USP46: variants seen among roughly 807,000 people sequenced by gnomAD.
The protein encoded by USP46 is ubiquitin specific peptidase 46, also known as ubiquitin carboxyl-terminal hydrolase 46.
USP46 carries 12 observed loss-of-function variants against 44.4 expected under a neutral mutation model. That is an observed-to-expected ratio of 0.27 (90% CI 0.17 to 0.44). USP46 has a LOEUF of 0.44. Among genes scored for constraint, USP46 ranks in the 20% least tolerant of loss-of-function variants. The pLI is 1.00. For synonymous variants in USP46, 155 were observed against 161.5 expected, an observed-to-expected ratio of 0.96 and a Z score of 0.31; for missense variants, 248 against 444.8, an observed-to-expected ratio of 0.56 and a Z score of 3.98.
chr4:52,602,285 A>C (rs1716505071), intron 6 of USP46, among the ~76,000 whole-genome samples: 1 of 152,214 alleles, frequency 6.6e-6, no homozygotes, highest in African/African-American at 2.4e-5. Context: ...GTTTGTTGGA[A>C]GGAGACGTTC....
intron 1 of USP46, among the ~76,000 whole-genome samples, chr4:52,647,839 G>A (rs1167741821): frequency 6.6e-6 from 1 of 152,164 alleles, no homozygotes; most frequent in Non-Finnish European, 1.5e-5. Flanking sequence ...AGGCCTCAGT[G>A]ACCTGCCCAA....
intron 5 of USP46, among the ~76,000 whole-genome samples, chr4:52,609,074 T>C (rs1716813528): frequency 6.6e-6 from 1 of 152,214 alleles, no homozygotes; most frequent in African/African-American, 2.4e-5. Flanking sequence ...TATTCTCCTA[T>C]GACACAAATG....
At chr4:52,628,752 T>C (rs1403137728) in intron 2 of USP46, among the ~76,000 whole-genome samples, 1 of 152,190 alleles carries the variant, frequency 6.6e-6, no homozygotes, top group Non-Finnish European at 1.5e-5. Context: ...GGCAAAAATA[T>C]GCTGCCTCAT....
At chr4:52,652,349 G>A (rs527476385) in intron 1 of USP46, among the ~76,000 whole-genome samples, 2 of 152,192 alleles carry the variant, frequency 1.3e-5, no homozygotes, top group South Asian at 2.1e-4. Flanking sequence ...TAAAGAAGAC[G>A]ATCAAATTCC....
intron 6 of USP46, among the ~76,000 whole-genome samples, chr4:52,602,828 C>T (rs1473964044): frequency 1.3e-5 from 2 of 151,746 alleles, no homozygotes; most frequent in African/African-American, 2.4e-5. Flanking sequence ...TTTGATGTTG[C>T]ACTTCCCAAA....
At chr4:52,618,941 C>A (rs928004504) in intron 4 of USP46, among the ~76,000 whole-genome samples, 1 of 152,090 alleles carries the variant, frequency 6.6e-6, no homozygotes. Flanking sequence ...GTAACAGATA[C>A]AAACATGTTA....
chr4:52,626,109 G>A lies in USP46; in HGVS notation c.470C>T (p.Pro157Leu). The part of the protein sequence containing the change: ...GKLKNGNMNE[P>L]AENNKPELTW... ...GAGTTCTGGTTTATTATTTTCCGCAGGTTCGTTCATGTTGCCATTTTTTAA... is the reference window on the plus strand; with the variant it reads ...GAGTTCTGGTTTATTATTTTCCGCAAGTTCGTTCATGTTGCCATTTTTTAA... The change falls in exon 4 of 9, where the codon CCT (proline) becomes CTT (leucine). Residue 157 changes from proline (P) to leucine (L), a missense_variant. Transcript: ENST00000441222. 1 of 1,613,796 alleles carries A rather than the reference G, an allele frequency of 6.2e-7. No homozygotes were observed. The highest frequency in any genetic ancestry group is 8.5e-7 in the Non-Finnish European group (1 of 1,179,844).
chr4:52,633,060 A>G (rs1403338745), intron 1 of USP46, among the ~76,000 whole-genome samples: 1 of 152,124 alleles, frequency 6.6e-6, no homozygotes, highest in African/African-American at 2.4e-5. Context: ...TTAAAAATTG[A>G]TCTGCTGCTA....
At chr4:52,609,511 T>C (rs1451977216) in intron 5 of USP46, among the ~76,000 whole-genome samples, 1 of 152,190 alleles carries the variant, frequency 6.6e-6, no homozygotes, top group Non-Finnish European at 1.5e-5. Context: ...TGGCATTATT[T>C]GCTCCCTGCA....
At position 52,659,197 on chromosome 4, in the gene USP46, A is replaced by G; in HGVS notation, c.-47T>C. ...CCCTCACCGCCATCTTTACAAGGGG[A>G]AACCGGGACTGCCCATGGTGGCGCG... is the stretch of plus-strand genomic sequence containing the variant. On this transcript the variant is annotated 5_prime_UTR_variant, in exon 1 of 9. Coordinates refer to ENST00000441222, the MANE Select transcript of USP46 (RefSeq NM_022832.4). This position sits in a 1 kb window ranked among gnomAD's most constrained non-coding sequence, Gnocchi z 4.2. The G allele has an allele frequency of 6.6e-7, 1 of 1,508,574 alleles. No homozygotes were observed. Among genetic ancestry groups the G allele is most frequent in the Non-Finnish European group, 8.9e-7 (1 of 1,126,230 alleles). The allele number at this position is 1,508,574 out of a possible 1,614,324, so 93.4% of individuals were successfully genotyped here. A position where few individuals can be genotyped will look rare whatever the true frequency, so the allele number is the denominator to read the frequency against.
intron 6 of USP46, 146 bp from the exon 7 acceptor site, chr4:52,602,200 A>C (rs1716497889): frequency 1.2e-6 from 1 of 867,576 alleles, no homozygotes; most frequent in Non-Finnish European, 1.7e-6. Flanking sequence ...GGATAAAAGT[A>C]TGCTGGCATA....
chr4:52,656,226 G>A (rs1718941058), intron 1 of USP46: 2 of 1,489,170 alleles, frequency 1.3e-6, no homozygotes, highest in Admixed American at 4.0e-5. Flanking sequence ...ACCAAAGTTA[G>A]GAGCGGGAAG....
intron 4 of USP46, among the ~76,000 whole-genome samples, chr4:52,615,026 T>C (rs1196425374): frequency 2.0e-5 from 3 of 151,976 alleles, no homozygotes; most frequent in African/African-American, 7.2e-5. Flanking sequence ...TGCGAAAATG[T>C]ACTCAGAAAA....
chr4:52,629,730 G>A (rs1226421104), intron 2 of USP46: 1 of 456,218 alleles, frequency 2.2e-6, no homozygotes, highest in East Asian at 7.0e-5. Flanking sequence ...TCCACAGTAT[G>A]TCTCAGCTTC....
At chr4:52,621,610 CGT>C (rs1717378570) in intron 4 of USP46, among the ~76,000 whole-genome samples, 1 of 151,890 alleles carries the variant, frequency 6.6e-6, no homozygotes, top group Non-Finnish European at 1.5e-5. Flanking sequence ...GAGCCAAGAT[CGT>C]GTTACTACAC....
At chr4:52,654,975 C>T (rs1333798786) in intron 1 of USP46, among the ~76,000 whole-genome samples, 1 of 152,114 alleles carries the variant, frequency 6.6e-6, no homozygotes, top group Non-Finnish European at 1.5e-5. Context: ...CAACAGTTTG[C>T]CCAAAAGCAC....
intron 1 of USP46, chr4:52,658,375 G>A: frequency 2.3e-6 from 1 of 425,750 alleles, no homozygotes; most frequent in Non-Finnish European, 4.8e-6. Context: ...GATGTCCCTG[G>A]CTGTATCCAT....
chr4:52,645,413 A>G (rs563762036), intron 1 of USP46, among the ~76,000 whole-genome samples: 4 of 152,304 alleles, frequency 2.6e-5, no homozygotes, highest in African/African-American at 9.6e-5. Context: ...AATTCTCCAT[A>G]TATTTAGAGA....
chr4:52,604,527 G>C lies in USP46; in HGVS notation c.696C>G (p.Cys232Trp). The C allele has an allele frequency of 6.2e-7, 1 of 1,611,734 alleles. No individual in the cohort carries two copies. ...CSEQKYYCETCCSKQEAQKRM... is the reference protein window; with the variant it reads ...CSEQKYYCETWCSKQEAQKRM... The stretch of plus-strand genomic sequence containing the variant: ...TTTTCTGGGCTTCTTGTTTGCTGCA[G>C]CATGTTTCACAATAATATTTTTGTT... The change falls in exon 6 of 9, where the codon TGC becomes TGG. Residue 232 changes from cysteine (C) to tryptophan (W), a missense_variant. Physicochemically the swap from Cys to Trp is radical, Grantham distance 215 (BLOSUM62 -2). Around this residue, in one of 5 missense-constraint regions of USP46, gnomAD observed 98 missense variants for 218.2 expected, o/e 0.45. Coordinates refer to ENST00000441222, the MANE Select transcript of USP46 (RefSeq NM_022832.4).
Sources: allele counts gnomAD v4.1 joint callset (sites outside exome capture counted in the v4.1 genomes callset), GRCh38; gene constraint gnomAD v4.1.1; regional missense constraint gnomAD v4.1.1; non-coding constraint Gnocchi (gnomAD v3.1); transcripts MANE v1.5; gene names NCBI Gene and HGNC (gene_info 2026-07-23, HGNC 2026-07-21).